The following THBS4 variants were observed in gnomAD, a reference collection of about 807,000 sequenced individuals.
The protein encoded by THBS4 is thrombospondin-4.
Under a neutral mutation model 115.7 loss-of-function variants are expected in THBS4, and 90 were observed. The observed-to-expected ratio is 0.78, with a 90% CI of 0.66 to 0.93. THBS4 has a LOEUF of 0.93. Among genes scored for constraint, THBS4 ranks in the 40% least tolerant of loss-of-function variants. The probability of loss-of-function intolerance (pLI) is 0.00; values close to 1 mark genes in which losing one functional copy is unlikely to be tolerated. For synonymous variants in THBS4, 460 were observed against 479.3 expected (o/e 0.96, Z 0.53); for missense variants, 1,087 against 1,232.7 (o/e 0.88, Z 1.77).
Position 80,067,969 on chromosome 5 carries a change from G to T in THBS4, c.1195-4G>T. 10 of 1,613,860 alleles carry T rather than the reference G, an allele frequency of 6.2e-6. No individual in the cohort carries two copies. The highest frequency in any genetic ancestry group is 8.5e-6 in the Non-Finnish European group (10 of 1,179,914). ...GCTCATCACCTGATCTTTGTTCCTT[G>T]CAGGGATCTTACCGCTGTGGGCCTT... is the stretch of plus-strand genomic sequence containing the variant. On this transcript the variant is annotated splice_polypyrimidine_tract_variant and splice_region_variant and intron_variant, in intron 9 of 21. Transcript: ENST00000350881.
rs752353220 is a variant in THBS4, at chr5:80,035,517, C to G, written c.-21C>G. On this transcript the variant is annotated 5_prime_UTR_variant, in exon 1 of 22. Coordinates refer to ENST00000350881, the MANE Select transcript of THBS4 (RefSeq NM_003248.6). This position sits in a 1 kb window ranked among gnomAD's most constrained non-coding sequence, Gnocchi z 4.6. ...AACGCCGCCGTCGCCCCCGGCCTCG[C>G]GGGGAGCAGGAAGAGCCAACATGCT... The G allele has an allele frequency of 7.5e-7, 1 of 1,326,626 alleles. No individual in the cohort carries two copies. Among genetic ancestry groups the G allele is most frequent in the Non-Finnish European group, 9.6e-7 (1 of 1,037,514 alleles). 82.2% of individuals were successfully genotyped at this position (1,326,626 alleles called of 1,614,324 possible).
At chr5:80,082,851 CA>C (rs756411195) in intron 21 of THBS4, among the ~76,000 whole-genome samples, 3 of 152,238 alleles carry the variant, frequency 2.0e-5, no homozygotes, top group Non-Finnish European at 1.5e-5. Flanking sequence ...ATCACAGATG[CA>C]AAATCCATTC....
intron 2 of THBS4, among the ~76,000 whole-genome samples, chr5:80,027,666 C>T (rs1332450513): frequency 6.6e-6 from 1 of 151,980 alleles, no homozygotes; most frequent in African/African-American, 2.4e-5. Context: ...GAGGCGGAGG[C>T]AGGTGGACTG....
chr5:80,015,510 A>G (rs547475774), intron 2 of THBS4, among the ~76,000 whole-genome samples: 1 of 152,364 alleles, frequency 6.6e-6, no homozygotes, highest in Non-Finnish European at 1.5e-5. Context: ...TATAACAGGA[A>G]GGATAAGTCC....
At chr5:80,083,015 G>GCGGGGGT (rs1743602443) in intron 21 of THBS4, 65 bp from the exon 22 acceptor site, 2 of 1,468,704 alleles carry the variant, frequency 1.4e-6, no homozygotes, top group African/African-American at 1.4e-5. Context: ...TGAGCCGCGG[G>GCGGGGGT]CGGGGGTCCG....
chr5:80,035,754 C>T lies in THBS4; in HGVS notation c.88+129C>T, dbSNP rs1405681889. ...AGCCCCTCTCTGTCCCTCCCGGGCC[C>T]AATCAAAGCATATTGTGATTGGAGG... On this transcript the variant is annotated intron_variant, in intron 1 of 21. Transcript: ENST00000350881. The surrounding 1 kb of genome is among the most constrained non-coding windows in gnomAD (Gnocchi z 4.6). 1 of 651,476 alleles carries T rather than the reference C, an allele frequency of 1.5e-6. No individual in the cohort carries two copies. Among genetic ancestry groups the T allele is most frequent in the Non-Finnish European group, 2.2e-6 (1 of 456,298 alleles). 40.4% of individuals were successfully genotyped at this position (651,476 alleles called of 1,614,324 possible). A position where few individuals can be genotyped will look rare whatever the true frequency, so the allele number is the denominator to read the frequency against.
chr5:80,004,316 C>G (rs1831970948), intron 2 of THBS4, among the ~76,000 whole-genome samples: 1 of 152,166 alleles, frequency 6.6e-6, no homozygotes, highest in South Asian at 2.1e-4. Flanking sequence ...TGAGTGGGAC[C>G]AGCACCACAT....
intron 4 of THBS4, 22 bp downstream of exon 4, chr5:80,058,336 G>T: frequency 6.6e-7 from 1 of 1,522,414 alleles, no homozygotes; most frequent in Non-Finnish European, 8.9e-7. Context: ...TGGGCAGTTT[G>T]CATGCCTTCA....
At position 80,082,441 on chromosome 5, in the gene THBS4, A is replaced by C; in HGVS notation, c.2720A>C (p.Asp907Ala). ...TATGAAGGCTCTGAGTTGGTGGCTGACTCTGGCGTCACCATAGACACCACA... is the reference window on the plus strand; with the variant it reads ...TATGAAGGCTCTGAGTTGGTGGCTGCCTCTGGCGTCACCATAGACACCACA... ...RFYEGSELVA[D>A]SGVTIDTTMR... The change falls in exon 21 of 22, where the codon GAC becomes GCC. Residue 907 changes from aspartate to alanine, a missense_variant. Around this residue, in one of 3 missense-constraint regions of THBS4, gnomAD observed 103 missense variants for 108.2 expected, o/e 0.95. Transcript: ENST00000350881. The C allele has an allele frequency of 6.2e-7, 1 of 1,614,046 alleles. No homozygotes were observed. The highest frequency in any genetic ancestry group is 8.5e-7 in the Non-Finnish European group (1 of 1,180,002).
intron 8 of THBS4, 105 bp from the exon 9 acceptor site, chr5:80,065,304 C>T: frequency 2.1e-6 from 2 of 969,824 alleles, no homozygotes; most frequent in Non-Finnish European, 3.2e-6. Flanking sequence ...ACCCGAAATT[C>T]CGCATCTTCA....
chr5:80,070,585 C>G, intron 11 of THBS4, 58 bp from the exon 12 acceptor site: 2 of 1,534,504 alleles, frequency 1.3e-6, no homozygotes, highest in Admixed American at 1.7e-5. Context: ...AGGTCAGAAA[C>G]AGTTACTGGC....
intron 2 of THBS4, among the ~76,000 whole-genome samples, chr5:80,027,946 C>T (rs1383558071): frequency 2.0e-5 from 3 of 151,344 alleles, no homozygotes; most frequent in East Asian, 1.9e-4. Flanking sequence ...ACCATAACTC[C>T]TCCCTCCTTG....
At chr5:80,003,193 AAGT>A (rs1309608856) in intron 2 of THBS4, among the ~76,000 whole-genome samples, 1 of 152,194 alleles carries the variant, frequency 6.6e-6, no homozygotes, top group Non-Finnish European at 1.5e-5. Context: ...CTGCAAACTT[AAGT>A]AGTAGGAACT....
intron 7 of THBS4, 99 bp downstream of exon 7, chr5:80,060,004 G>A: frequency 2.5e-6 from 3 of 1,220,106 alleles, no homozygotes; most frequent in Non-Finnish European, 3.5e-6. Context: ...GGCTGACTTG[G>A]GCTGTCCTCC....
Position 80,071,194 on chromosome 5 carries a change from GCTTTTGT to G in THBS4, c.1720+20_1720+26del. 6.4e-7 allele frequency: 1 copy of G among 1,561,592 alleles called. No homozygotes were observed. Among genetic ancestry groups the G allele is most frequent in the Non-Finnish European group, 8.6e-7 (1 of 1,160,590 alleles). On this transcript the variant is annotated intron_variant, in intron 13 of 21. Coordinates refer to ENST00000350881, the MANE Select transcript of THBS4 (RefSeq NM_003248.6). ...TGGATGGAGATGGTAGATTTATCTTGCTTTTGTCTTTTATTTGGAATTCAGTTGACCT... is the reference window on the plus strand; with the variant it reads ...TGGATGGAGATGGTAGATTTATCTTGCTTTTATTTGGAATTCAGTTGACCT...
chr5:80,053,775 AG>A (rs1833328971), intron 2 of THBS4, among the ~76,000 whole-genome samples: 1 of 152,174 alleles, frequency 6.6e-6, no homozygotes, highest in Non-Finnish European at 1.5e-5. Context: ...CTTATTGGTC[AG>A]GCTGGTCTTG....
intron 2 of THBS4, among the ~76,000 whole-genome samples, chr5:80,027,795 G>A: frequency 6.6e-6 from 1 of 150,432 alleles, no homozygotes; most frequent in Admixed American, 6.6e-5. Context: ...CTACTTGGGA[G>A]GCTGAGATGG....
At position 80,007,126 on chromosome 5, in the gene THBS4, G is replaced by A. The variant is rs374864590; in HGVS notation, n.177+8699G>A. ...GAGTCAATGATGCCCAGTGAACAATGGGATAAAGCTTAGGAGTGTTCATCC... is the reference window on the plus strand; with the variant it reads ...GAGTCAATGATGCCCAGTGAACAATAGGATAAAGCTTAGGAGTGTTCATCC... On this transcript the variant is annotated intron_variant and non_coding_transcript_variant, in intron 2 of 3. Transcript: ENST00000510218. Among the ~76,000 whole-genome samples the A allele has an allele frequency of 1.4e-4, 22 of 152,252 alleles. No individual in the cohort carries two copies. In the East Asian group the frequency reaches 2.5e-3, roughly 17 times the overall value.
chr5:80,035,683 G>GT lies in THBS4; in HGVS notation c.88+59dup, dbSNP rs2112016774. The GT allele has an allele frequency of 1.7e-6, 2 of 1,184,072 alleles. No individual in the cohort carries two copies. The highest frequency in any genetic ancestry group is 3.2e-5 in the African/African-American group (2 of 63,036). The allele number at this position is 1,184,072 out of a possible 1,614,324, so 73.3% of individuals were successfully genotyped here. On this transcript the variant is annotated intron_variant, in intron 1 of 21. Transcript: ENST00000350881. This position sits in a 1 kb window ranked among gnomAD's most constrained non-coding sequence, Gnocchi z 4.6. The stretch of plus-strand genomic sequence containing the variant: ...GGGCACCGGGTGCCCCATCTGCTGA[G>GT]TGAGTGGAGGGACTTGCTCGGCCCT...
Sources: gnomAD v4.1 joint callset for allele counts (sites outside exome capture counted in the v4.1 genomes callset) on GRCh38, gnomAD v4.1.1 for gene constraint, gnomAD v4.1.1 regional missense constraint, Gnocchi (gnomAD v3.1) non-coding constraint, MANE v1.5 for transcripts, NCBI Gene and HGNC (gene_info 2026-07-23, HGNC 2026-07-21) for gene names.